USP3: variants seen among roughly 807,000 people sequenced by gnomAD.
USP3 encodes the protein ubiquitin carboxyl-terminal hydrolase 3.
Under a neutral mutation model 72.3 loss-of-function variants are expected in USP3, and 20 were observed. That is an observed-to-expected ratio of 0.28 (90% CI 0.19 to 0.40). The LOEUF is 0.40. Ranked by LOEUF, USP3 falls within the 10% of genes least tolerant of loss-of-function variation. The pLI is 1.00. For missense variants in USP3, 479 were observed against 633.9 expected, an observed-to-expected ratio of 0.76 and a Z score of 2.62; for synonymous variants, 222 against 225.3, an observed-to-expected ratio of 0.99 and a Z score of 0.13.
intron 1 of USP3, among the ~76,000 whole-genome samples, chr15:63,511,875 T>TTCTAAGATTTTC: frequency 6.6e-6 from 1 of 152,288 alleles, no homozygotes; most frequent in East Asian, 1.9e-4. Context: ...CATTTAGTTA[T>TTCTAAGATTTTC]TCTAAGATTT....
At chr15:63,507,894 A>G (rs1044726109) in intron 1 of USP3, among the ~76,000 whole-genome samples, 3 of 49,736 alleles carry the variant, frequency 6.0e-5, no homozygotes, top group Non-Finnish European at 1.7e-4. Context: ...TACAAATAAT[A>G]ATAGACCCAC....
At chr15:63,578,376 G>A (rs566986931) in intron 11 of USP3, among the ~76,000 whole-genome samples, 2 of 151,958 alleles carry the variant, frequency 1.3e-5, no homozygotes, top group African/African-American at 2.4e-5. Flanking sequence ...AGGCCGAGGC[G>A]GGTGGATCAC....
At chr15:63,522,085 A>G (rs2065927864) in intron 1 of USP3, among the ~76,000 whole-genome samples, 1 of 152,198 alleles carries the variant, frequency 6.6e-6, no homozygotes. Context: ...TATATTGCCC[A>G]GGCTGATCTG....
intron 4 of USP3, among the ~76,000 whole-genome samples, chr15:63,554,643 C>A (rs1381035671): frequency 6.6e-6 from 1 of 152,120 alleles, no homozygotes; most frequent in African/African-American, 2.4e-5. Context: ...GTGTAAAGCC[C>A]ATAGAATGTT....
intron 1 of USP3, among the ~76,000 whole-genome samples, chr15:63,513,832 C>T (rs372721962): frequency 5.9e-5 from 9 of 152,086 alleles, no homozygotes; most frequent in Non-Finnish European, 8.8e-5. Context: ...CTGAGATAAT[C>T]GATGGATGAC....
intron 1 of USP3, among the ~76,000 whole-genome samples, chr15:63,532,278 CAT>C (rs2152658941): frequency 6.6e-6 from 1 of 152,270 alleles, no homozygotes; most frequent in South Asian, 2.1e-4. Context: ...ATGGCAATGA[CAT>C]GTGATTAAAT....
chr15:63,538,548 A>AG (rs2066194300), intron 3 of USP3, among the ~76,000 whole-genome samples: 104 of 143,900 alleles, frequency 7.2e-4, no homozygotes, highest in African/African-American at 2.7e-3. Flanking sequence ...CAGGTCTTTT[A>AG]CTTTTTTTTT....
At position 63,553,939 on chromosome 15, in the gene USP3, G is replaced by A. The variant is rs2066470750; in HGVS notation, c.368+141G>A. 6.3e-6 allele frequency: 4 copies of A among 633,020 alleles called. No individual in the cohort carries two copies. In the South Asian group the frequency reaches 1.1e-4, roughly 17 times the overall value. The allele number at this position is 633,020 out of a possible 1,614,324, so 39.2% of individuals were successfully genotyped here. A position where few individuals can be genotyped will look rare whatever the true frequency, so the allele number is the denominator to read the frequency against. Reference sequence around the variant, plus strand: ...TTGAAATGTTAATAAAATAAACCTTGGCTTTGGATAGCTAAAACTTGGCCC... The same window carrying A: ...TTGAAATGTTAATAAAATAAACCTTAGCTTTGGATAGCTAAAACTTGGCCC... On this transcript the variant is annotated intron_variant, in intron 4 of 14. Coordinates refer to ENST00000380324, the MANE Select transcript of USP3 (RefSeq NM_006537.4). The surrounding 1 kb of genome is among the most constrained non-coding windows in gnomAD (Gnocchi z 4.2).
intron 1 of USP3, among the ~76,000 whole-genome samples, chr15:63,507,903 A>G (rs558920999): frequency 2.2e-4 from 11 of 49,432 alleles, no homozygotes; most frequent in East Asian, 2.0e-3. Flanking sequence ...TAATAGACCC[A>G]CACCCATAAC....
intron 11 of USP3, among the ~76,000 whole-genome samples, chr15:63,575,066 A>G (rs1350698981): frequency 6.6e-6 from 1 of 152,038 alleles, no homozygotes; most frequent in Non-Finnish European, 1.5e-5. Flanking sequence ...CAGAAACTCT[A>G]CACTGAAGCT....
chr15:63,566,232 C>T (rs929888550), intron 8 of USP3, among the ~76,000 whole-genome samples: 3 of 151,464 alleles, frequency 2.0e-5, no homozygotes, highest in Non-Finnish European at 4.4e-5. Flanking sequence ...CTTATATTTG[C>T]TTGCTCTTCT....
intron 3 of USP3, among the ~76,000 whole-genome samples, chr15:63,541,787 T>G (rs2066248724): frequency 6.6e-6 from 1 of 152,174 alleles, no homozygotes; most frequent in Admixed American, 6.5e-5. Context: ...CTGTCATTTA[T>G]AATAAAACCA....
chr15:63,562,890 T>G lies in USP3; in HGVS notation c.648-5T>G, dbSNP rs753338053. On this transcript the variant is annotated splice_polypyrimidine_tract_variant and splice_region_variant and intron_variant, in intron 7 of 14. Coordinates refer to ENST00000380324, the MANE Select transcript of USP3 (RefSeq NM_006537.4). ...CTGAGGGCACTGTCCTTTCCTCTTT[T>G]GCAGGTCTTTGGTAGAAGAGTTTAG... 2.2e-5 allele frequency: 35 copies of G among 1,598,074 alleles called. No individual in the cohort carries two copies. Among genetic ancestry groups the G allele is most frequent in the Non-Finnish European group, 3.0e-5 (35 of 1,171,978 alleles).
chr15:63,525,267 C>T (rs1482509157), intron 1 of USP3, among the ~76,000 whole-genome samples: 2 of 152,138 alleles, frequency 1.3e-5, no homozygotes, highest in African/African-American at 4.8e-5. Flanking sequence ...CACTTCTGAC[C>T]ACTTTGGATT....
At chr15:63,590,041 C>T (rs1264642082) in intron 14 of USP3, among the ~76,000 whole-genome samples, 2 of 152,120 alleles carry the variant, frequency 1.3e-5, no homozygotes, top group African/African-American at 4.8e-5. Flanking sequence ...GGTTGATTGC[C>T]TTGCTTGTTC....
chr15:63,553,586 A>G lies in USP3; in HGVS notation c.285-129A>G. The G allele has an allele frequency of 1.4e-6, 1 of 702,896 alleles. No individual in the cohort carries two copies. 43.5% of individuals were successfully genotyped at this position (702,896 alleles called of 1,614,324 possible). Reference sequence around the variant, plus strand: ...CATTGTGAATTCCAGGTCCTCTTTAAACTTACCACCAGCAGTAACTGCCTG... The same window carrying G: ...CATTGTGAATTCCAGGTCCTCTTTAGACTTACCACCAGCAGTAACTGCCTG... On this transcript the variant is annotated intron_variant, in intron 3 of 14. Coordinates refer to ENST00000380324, the MANE Select transcript of USP3 (RefSeq NM_006537.4). The surrounding 1 kb of genome is among the most constrained non-coding windows in gnomAD (Gnocchi z 4.2).
At chr15:63,578,830 G>T (rs1414402315) in intron 11 of USP3, among the ~76,000 whole-genome samples, 2 of 152,002 alleles carry the variant, frequency 1.3e-5, no homozygotes, top group Non-Finnish European at 2.9e-5. Flanking sequence ...ATTATAGAAT[G>T]ACCAAATTAT....
intron 11 of USP3, chr15:63,587,926 T>C (rs1232706298): frequency 1.3e-5 from 2 of 156,510 alleles, no homozygotes; most frequent in Non-Finnish European, 2.8e-5. Context: ...TAAATTTGAC[T>C]TTTTTTTATG....
intron 1 of USP3, among the ~76,000 whole-genome samples, chr15:63,525,609 T>C (rs1023366050): frequency 6.6e-6 from 1 of 152,172 alleles, no homozygotes; most frequent in African/African-American, 2.4e-5. Context: ...CCCCTAATAA[T>C]TTCAAGGGAC....
Sources: gnomAD v4.1 joint callset for allele counts (sites outside exome capture counted in the v4.1 genomes callset) on GRCh38, gnomAD v4.1.1 for gene constraint, Gnocchi (gnomAD v3.1) non-coding constraint, MANE v1.5 for transcripts, NCBI Gene and HGNC (gene_info 2026-07-23, HGNC 2026-07-21) for gene names.